Variants in CHN2 observed in about 807,000 individuals in gnomAD.
The protein encoded by CHN2 is chimerin 2, also known as beta-chimaerin.
A neutral mutation model predicts 56.3 loss-of-function variants in CHN2; 35 were observed. The observed-to-expected ratio is 0.62, with a 90% CI of 0.47 to 0.82. CHN2 has a LOEUF of 0.82. Ranked by LOEUF, CHN2 falls within the 40% of genes least tolerant of loss-of-function variation. The pLI is 0.00. For missense variants in CHN2, 491 were observed against 580.5 expected (o/e 0.85, Z 1.58); for synonymous variants, 210 against 212.8 (o/e 0.99, Z 0.12).
intron 1 of CHN2, among the ~76,000 whole-genome samples, chr7:29,224,539 A>G (rs1490801598): frequency 6.6e-6 from 1 of 152,228 alleles, no homozygotes; most frequent in African/African-American, 2.4e-5. Context: ...CATTTCTGCC[A>G]TTACTAACTG....
At chr7:29,316,929 AG>A (rs1485102502) in intron 1 of CHN2, among the ~76,000 whole-genome samples, 2 of 152,236 alleles carry the variant, frequency 1.3e-5, no homozygotes, top group Non-Finnish European at 2.9e-5. Context: ...TGCTACAAAA[AG>A]GGGTGTAGGT....
intron 6 of CHN2, among the ~76,000 whole-genome samples, chr7:29,460,675 T>C (rs958529653): frequency 3.3e-5 from 5 of 152,226 alleles, no homozygotes; most frequent in African/African-American, 1.2e-4. Flanking sequence ...CAGTAATTCT[T>C]AGAGTCCAGA....
At chr7:29,343,991 A>T (rs746014849) in intron 1 of CHN2, among the ~76,000 whole-genome samples, 5 of 152,128 alleles carry the variant, frequency 3.3e-5, no homozygotes, top group Non-Finnish European at 7.4e-5. Flanking sequence ...CTTTCTGTGA[A>T]TGGCATCACT....
chr7:29,280,383 C>CATAAATAAATAAATAA (rs367917595), intron 1 of CHN2, among the ~76,000 whole-genome samples: 2 of 150,304 alleles, frequency 1.3e-5, no homozygotes, highest in African/African-American at 4.9e-5. Context: ...GGCTCCGTCT[C>CATAAATAAATAAATAA]ATAAATAAAT....
chr7:29,491,433 C>CA (rs1356042414), intron 7 of CHN2, among the ~76,000 whole-genome samples: 1 of 151,998 alleles, frequency 6.6e-6, no homozygotes, highest in Non-Finnish European at 1.5e-5. Flanking sequence ...GAGAGAGAGA[C>CA]AATCTCAGTC....
intron 6 of CHN2, among the ~76,000 whole-genome samples, chr7:29,447,302 T>C (rs1031154812): frequency 6.6e-6 from 1 of 152,224 alleles, no homozygotes; most frequent in African/African-American, 2.4e-5. Context: ...ATGAAAATTC[T>C]AACGCCTAAG....
chr7:29,470,770 C>T (rs1362361), intron 6 of CHN2, among the ~76,000 whole-genome samples: 122,910 of 152,172 alleles, frequency 0.81, 50,818 homozygotes, highest in East Asian at 0.99. Context: ...GTGAGCGGAG[C>T]TTGAGAAAGA....
At chr7:29,190,015 C>T (rs1178718909), upstream of CHN2, among the ~76,000 whole-genome samples, 3 of 152,260 alleles carry the variant, frequency 2.0e-5, no homozygotes, top group African/African-American at 7.2e-5. Flanking sequence ...CCTGCGGCGT[C>T]TGAGCTGCCT....
chr7:29,176,116 G>A (rs913632551), intron 2 of CHN2, among the ~76,000 whole-genome samples: 4 of 151,938 alleles, frequency 2.6e-5, no homozygotes, highest in Admixed American at 6.6e-5. Context: ...AACCTGGGAG[G>A]CGGAGCTTAC....
chr7:29,462,009 C>A (rs1562626439), intron 6 of CHN2, among the ~76,000 whole-genome samples: 1 of 152,142 alleles, frequency 6.6e-6, no homozygotes, highest in Non-Finnish European at 1.5e-5. Context: ...AATTCCCATT[C>A]ATTTAACCTA....
At chr7:29,195,191 C>T (rs1194619514) in intron 1 of CHN2, 1 of 503,706 alleles carries the variant, frequency 2.0e-6, no homozygotes, top group Non-Finnish European at 3.4e-6. Flanking sequence ...TCTGACAGCG[C>T]AGAGGTGGGA....
chr7:29,437,022 A>G (rs1783277226), intron 6 of CHN2, among the ~76,000 whole-genome samples: 1 of 152,026 alleles, frequency 6.6e-6, no homozygotes, highest in African/African-American at 2.4e-5. Context: ...TAAGTAGAGG[A>G]TACAGATAAG....
At chr7:29,474,621 AGGAGTATAGCTC>A (rs1361842988) in intron 6 of CHN2, among the ~76,000 whole-genome samples, 1 of 152,248 alleles carries the variant, frequency 6.6e-6, no homozygotes, top group East Asian at 1.9e-4. Flanking sequence ...TGTTTGGAAT[AGGAGTATAGCTC>A]GGGCAGTCAA....
chr7:29,179,482 G>A (rs537976216), intron 2 of CHN2, among the ~76,000 whole-genome samples: 1 of 152,316 alleles, frequency 6.6e-6, no homozygotes, highest in South Asian at 2.1e-4. Context: ...AGAAAATCCA[G>A]GAACCCAGAC....
At chr7:29,403,182 A>G (rs767943508) in intron 6 of CHN2, among the ~76,000 whole-genome samples, 1 of 152,062 alleles carries the variant, frequency 6.6e-6, no homozygotes, top group African/African-American at 2.4e-5. Flanking sequence ...TCTCTGACCT[A>G]TATTGACAAG....
chr7:29,281,679 C>T (rs1231303264), intron 1 of CHN2, among the ~76,000 whole-genome samples: 5 of 125,702 alleles, frequency 4.0e-5, no homozygotes, highest in African/African-American at 1.7e-4. Flanking sequence ...GGATCCTTAT[C>T]CCCCTCTCTC....
intron 1 of CHN2, among the ~76,000 whole-genome samples, chr7:29,254,103 C>T (rs1360690748): frequency 6.6e-6 from 1 of 152,158 alleles, no homozygotes; most frequent in African/African-American, 2.4e-5. Context: ...CGGGTTTTCA[C>T]CTTGTTGGTC....
chr7:29,167,482 T>C (rs1018521124), intron 2 of CHN2, among the ~76,000 whole-genome samples: 1 of 152,326 alleles, frequency 6.6e-6, no homozygotes, highest in African/African-American at 2.4e-5. Flanking sequence ...CATATTTGAA[T>C]ATGTCTTTGG....
At chr7:29,390,656 C>T (rs1562569474) in intron 3 of CHN2, among the ~76,000 whole-genome samples, 1 of 152,182 alleles carries the variant, frequency 6.6e-6, no homozygotes. Context: ...TGAAGAGAAT[C>T]TCATACAATT....
Sources: gnomAD v4.1 joint callset for allele counts (sites outside exome capture counted in the v4.1 genomes callset) on GRCh38, gnomAD v4.1.1 for gene constraint, MANE v1.5 for transcripts, NCBI Gene and HGNC (gene_info 2026-07-23, HGNC 2026-07-21) for gene names.